Variants in CHD5 observed in about 807,000 individuals in gnomAD.
The protein encoded by CHD5 is ATP-dependent chromatin remodeler CHD5.
Under a neutral mutation model 230.3 loss-of-function variants are expected in CHD5, and 69 were observed. That is an observed-to-expected ratio of 0.30 (90% CI 0.25 to 0.37). CHD5 has a LOEUF of 0.37. CHD5 is among the 10% of genes least tolerant of loss of function. The pLI is 1.00. For synonymous variants in CHD5, 1,064 were observed against 1,065.9 expected (o/e 1.00, Z 0.03); for missense variants, 1,827 against 2,622.8 (o/e 0.70, Z 6.63).
chr1:6,121,452 C>T lies in CHD5; in HGVS notation c.4779+42G>A, dbSNP rs758449243. ...AGAAGGTCCCCAGACCCAACCTCCA[C>T]CCCACACACACCACAGGCCCAGACG... On this transcript the variant is annotated intron_variant, in intron 32 of 41. Coordinates refer to ENST00000262450, the MANE Select transcript of CHD5 (RefSeq NM_015557.3). The surrounding 1 kb of genome is among the most constrained non-coding windows in gnomAD (Gnocchi z 4.5). 16 of 1,570,122 alleles carry T rather than the reference C, an allele frequency of 1.0e-5. No homozygotes were observed. In the African/African-American group the frequency reaches 1.5e-4, roughly 15 times the overall value.
chr1:6,143,330 G>A (rs1037649552), intron 13 of CHD5, among the ~76,000 whole-genome samples: 5 of 152,284 alleles, frequency 3.3e-5, no homozygotes, highest in African/African-American at 1.2e-4. Flanking sequence ...ACCATGCCCG[G>A]CCCATTTGTC....
rs112522520 is a variant in CHD5, at chr1:6,129,304, T to C, written c.3388-235A>G. Among the ~76,000 whole-genome samples, 36 of 152,272 alleles carry C rather than the reference T, an allele frequency of 2.4e-4. No homozygotes were observed. Among genetic ancestry groups the C allele is most frequent in the African/African-American group, 8.4e-4 (35 of 41,550 alleles). On this transcript the variant is annotated intron_variant, in intron 22 of 41. Transcript: ENST00000262450. This position sits in a 1 kb window ranked among gnomAD's most constrained non-coding sequence, Gnocchi z 6.8. ...TTGGAGTGGAAAAGCTTCTAGCCAT[T>C]GGAAGCAGGCAGGACTGCAGGTGTG...
At chr1:6,117,008 G>C (rs546259418) in intron 33 of CHD5, among the ~76,000 whole-genome samples, 2 of 152,194 alleles carry the variant, frequency 1.3e-5, no homozygotes. Context: ...GCTATCTAAA[G>C]TCCTCATATT....
rs1273173617 is a variant in CHD5, at chr1:6,180,122, G to T, written c.-99C>A. 2 of 441,790 alleles carry T rather than the reference G, an allele frequency of 4.5e-6. No homozygotes were observed. Among genetic ancestry groups the T allele is most frequent in the South Asian group, 2.0e-4 (2 of 9,828 alleles). The allele number at this position is 441,790 out of a possible 1,614,324, so 27.4% of individuals were successfully genotyped here. ...TGCCGGACCGGCGCGCGCGGCGGGC[G>T]AGGCGGCCTCGGCGAGAAGATGGCG... On this transcript the variant is annotated 5_prime_UTR_variant, in exon 1 of 42. Coordinates refer to ENST00000262450, the MANE Select transcript of CHD5 (RefSeq NM_015557.3).
intron 38 of CHD5, among the ~76,000 whole-genome samples, chr1:6,108,513 AGAT>A (rs965299024): frequency 4.4e-5 from 6 of 135,928 alleles, no homozygotes; most frequent in African/African-American, 1.4e-4. Flanking sequence ...GCAATGATGG[AGAT>A]GATGAAGGGA....
chr1:6,148,746 G>A (rs541953641), intron 9 of CHD5, 108 bp downstream of exon 9: 2 of 822,888 alleles, frequency 2.4e-6, no homozygotes, highest in East Asian at 3.3e-5. Context: ...GGCGGGGCAG[G>A]AGCCGGCAGG....
intron 3 of CHD5, among the ~76,000 whole-genome samples, chr1:6,156,780 G>A (rs1007225546): frequency 5.9e-5 from 9 of 152,144 alleles, no homozygotes; most frequent in Admixed American, 4.6e-4. Context: ...TACTGCTGAG[G>A]CCTGGGGTGG....
At position 6,106,287 on chromosome 1, in the gene CHD5, T is replaced by C. The variant is rs1211684632; in HGVS notation, c.5858A>G (p.Asp1953Gly). The stretch of plus-strand genomic sequence containing the variant: ...GGGAAGTCTCGAGGACGGCTAGATA[T>C]CTGTCAAAAAAAGAGGAGAGCCGGG... ...NQMPLGPYVTDI is the reference protein window; with the variant it reads ...NQMPLGPYVTGI Residue 1953 changes from aspartate to glycine, a missense_variant and splice_region_variant, in exon 41 of 42, where the codon GAT becomes GGT. Transcript: ENST00000262450. 7 of 1,612,546 alleles carry C rather than the reference T, an allele frequency of 4.3e-6. No individual in the cohort carries two copies. Among genetic ancestry groups the C allele is most frequent in the Middle Eastern group, 1.6e-4 (1 of 6,084 alleles).
Position 6,142,584 on chromosome 1 carries a change from G to C in CHD5, c.2065C>G (p.Gln689Glu). 1 of 1,612,776 alleles carries C rather than the reference G, an allele frequency of 6.2e-7. No homozygotes were observed. Among genetic ancestry groups the C allele is most frequent in the South Asian group, 1.1e-5 (1 of 90,976 alleles). ...CCTGTGGAGTCGATGTACCATGGCT[G>C]CTTGTCGAACTTGACCGTGGGCTGC... ...IVDPTVKFDK[Q>E]PWYIDSTGGT... Residue 689 changes from glutamine (Q) to glutamate (E), a missense_variant, in exon 14 of 42, where the codon CAG becomes GAG. By Grantham distance (29) the Gln-to-Glu change is conservative. Around this residue, in one of 14 missense-constraint regions of CHD5, gnomAD observed 657 missense variants for 816.4 expected, o/e 0.80. Transcript: ENST00000262450. This position sits in a 1 kb window ranked among gnomAD's most constrained non-coding sequence, Gnocchi z 5.2.
intron 17 of CHD5, among the ~76,000 whole-genome samples, chr1:6,135,782 G>A (rs1186101090): frequency 2.0e-5 from 3 of 152,064 alleles, no homozygotes; most frequent in Admixed American, 6.6e-5. Flanking sequence ...AGGCCGAGAC[G>A]GGCAGATCAC....
In CHD5 at chr1:6,105,782, C is replaced by T. The variant is rs1666153489; in HGVS notation, c.*47-355G>A. 6.6e-6 allele frequency among the ~76,000 whole-genome samples: 1 copy of T among 152,202 alleles called. No individual in the cohort carries two copies. Among genetic ancestry groups the T allele is most frequent in the Non-Finnish European group, 1.5e-5 (1 of 68,048 alleles). ...CTCTGAAATAAGCCCCCTCTCCTGG[C>T]CAATAGCCCCCACAAAACCCTCAGC... On this transcript the variant is annotated intron_variant, in intron 41 of 41. Transcript: ENST00000262450. This position sits in a 1 kb window ranked among gnomAD's most constrained non-coding sequence, Gnocchi z 4.8.
chr1:6,163,902 G>A (rs1170475574), intron 2 of CHD5, among the ~76,000 whole-genome samples: 1 of 152,182 alleles, frequency 6.6e-6, no homozygotes, highest in Non-Finnish European at 1.5e-5. Context: ...GTGACTACAG[G>A]GGACGCCCTA....
At chr1:6,160,935 T>C (rs1272220649) in intron 2 of CHD5, among the ~76,000 whole-genome samples, 2 of 152,096 alleles carry the variant, frequency 1.3e-5, no homozygotes, top group Non-Finnish European at 2.9e-5. Context: ...CACAGCCCCT[T>C]CCCAGGGAGG....
At chr1:6,163,388 G>A (rs575623480) in intron 2 of CHD5, among the ~76,000 whole-genome samples, 28 of 152,312 alleles carry the variant, frequency 1.8e-4, no homozygotes, top group Admixed American at 4.6e-4. Context: ...CATGGAGCCC[G>A]CACAGCTGGG....
Position 6,130,188 on chromosome 1 carries a change from C to G in CHD5, c.3387+16G>C, listed in dbSNP as rs754550025. The G allele has an allele frequency of 6.2e-7, 1 of 1,612,822 alleles. No individual in the cohort carries two copies. Among genetic ancestry groups the G allele is most frequent in the Non-Finnish European group, 8.5e-7 (1 of 1,179,256 alleles). ...AGAGGCCCCCTGGGAGGGTGGTGGG[C>G]GGCAGCAGCACAGACCTGGATGTCA... On this transcript the variant is annotated intron_variant, in intron 22 of 41. Coordinates refer to ENST00000262450, the MANE Select transcript of CHD5 (RefSeq NM_015557.3). This position sits in a 1 kb window ranked among gnomAD's most constrained non-coding sequence, Gnocchi z 4.9.
Position 6,106,784 on chromosome 1 carries a change from G to C in CHD5, c.5579-5C>G. 6.2e-7 allele frequency: 1 copy of C among 1,609,192 alleles called. No individual in the cohort carries two copies. The highest frequency in any genetic ancestry group is 8.5e-7 in the Non-Finnish European group (1 of 1,178,644). ...GCTCCTCCAGCTGGTTCAGGACTGT[G>C]GTGGGAGGCGGAGGGATGGTAGGAT... On this transcript the variant is annotated splice_polypyrimidine_tract_variant and splice_region_variant and intron_variant, in intron 38 of 41. Transcript: ENST00000262450.
chr1:6,154,529 G>T lies in CHD5; in HGVS notation c.745+131C>A. The T allele has an allele frequency of 1.3e-6, 1 of 763,578 alleles. No individual in the cohort carries two copies. Among genetic ancestry groups the T allele is most frequent in the South Asian group, 2.2e-5 (1 of 44,690 alleles). The allele number at this position is 763,578 out of a possible 1,614,324, so 47.3% of individuals were successfully genotyped here. A position where few individuals can be genotyped will look rare whatever the true frequency, so the allele number is the denominator to read the frequency against. ...GGACCGGGCAATCCAAGGTCACACA[G>T]GCACAGAGCCCTCCATTAGGAGCAC... On this transcript the variant is annotated intron_variant, in intron 5 of 41. Coordinates refer to ENST00000262450, the MANE Select transcript of CHD5 (RefSeq NM_015557.3). The surrounding 1 kb of genome is among the most constrained non-coding windows in gnomAD (Gnocchi z 7.0).
chr1:6,128,356 G>A lies in CHD5; in HGVS notation c.3731-138C>T. The A allele has an allele frequency of 8.9e-7, 1 of 1,119,198 alleles. No individual in the cohort carries two copies. The allele number at this position is 1,119,198 out of a possible 1,614,324, so 69.3% of individuals were successfully genotyped here. On this transcript the variant is annotated intron_variant, in intron 24 of 41. Transcript: ENST00000262450. The surrounding 1 kb of genome is among the most constrained non-coding windows in gnomAD (Gnocchi z 7.8). ...TGAGAGGCATGGTGACCAGACAGAG[G>A]AAACTGCGCTGTAACAGCCCCACTC...
intron 33 of CHD5, among the ~76,000 whole-genome samples, chr1:6,116,671 C>A (rs1446075174): frequency 1.3e-5 from 2 of 152,240 alleles, no homozygotes; most frequent in African/African-American, 4.8e-5. Flanking sequence ...GGAAGAATAT[C>A]TGCAAAGTGC....
Sources: gnomAD v4.1 joint callset for allele counts (sites outside exome capture counted in the v4.1 genomes callset) on GRCh38, gnomAD v4.1.1 for gene constraint, gnomAD v4.1.1 regional missense constraint, Gnocchi (gnomAD v3.1) non-coding constraint, MANE v1.5 for transcripts, NCBI Gene and HGNC (gene_info 2026-07-23, HGNC 2026-07-21) for gene names.